NRG1: variants seen among roughly 807,000 people sequenced by gnomAD.
NRG1 encodes neuregulin 1, also known as pro-neuregulin-1, membrane-bound isoform.
A neutral mutation model predicts 63.8 loss-of-function variants in NRG1; 18 were observed. The ratio of observed to expected loss-of-function variants is 0.28; its 90% CI spans 0.19 to 0.42. The LOEUF (loss-of-function observed/expected upper bound fraction) is 0.42. NRG1 is among the 10% of genes least tolerant of loss of function. The probability of loss-of-function intolerance (pLI) is 1.00; values close to 1 mark genes in which losing one functional copy is unlikely to be tolerated. For synonymous variants in NRG1, 302 were observed against 301.3 expected (o/e 1.00, Z -0.02); for missense variants, 762 against 814.7 (o/e 0.94, Z 0.79).
rs931022162 is a variant in NRG1, at chr8:32,736,011, A to T, written c.633-6664A>T. On this transcript the variant is annotated intron_variant, in intron 6 of 11. Transcript: ENST00000356819. ...GGAAACTAGTCCCCAGATTGTCATT[A>T]AAAAAAAAATGGAGGATATATACTG... Among the ~76,000 whole-genome samples, 5 of 116,708 alleles carry T rather than the reference A, an allele frequency of 4.3e-5. No homozygotes were observed. In the East Asian group the frequency reaches 1.2e-3, roughly 27 times the overall value. 76.6% of individuals were successfully genotyped at this position (116,708 alleles called of 152,430 possible).
chr8:32,258,774 G>T (rs1356571331), intron 1 of NRG1, among the ~76,000 whole-genome samples: 2 of 152,188 alleles, frequency 1.3e-5, no homozygotes, highest in Non-Finnish European at 2.9e-5. Flanking sequence ...CACACATGGG[G>T]ATTATGGGGA....
At chr8:31,968,901 T>G (rs1319773918) in intron 1 of NRG1, among the ~76,000 whole-genome samples, 2 of 152,226 alleles carry the variant, frequency 1.3e-5, no homozygotes, top group African/African-American at 4.8e-5. Flanking sequence ...TAACTGTGCC[T>G]TTAACATCAC....
In NRG1 at chr8:32,113,699, A is replaced by G. The variant is rs114094455; in HGVS notation, c.37+474268A>G. Among the ~76,000 whole-genome samples the G allele has an allele frequency of 2.6e-3, 398 of 152,336 alleles. 2 individuals are homozygous for G. The highest frequency in any genetic ancestry group is 9.1e-3 in the African/African-American group (379 of 41,570). ...GCAGTGGTTTTAACTGTACATTGCA[A>G]TTCATTTGTGAGTAATACAATCAGT... On this transcript the variant is annotated intron_variant, in intron 1 of 10. Coordinates refer to the NRG1 transcript ENST00000519301.
chr8:32,621,939 A>G (rs917339181), intron 5 of NRG1, among the ~76,000 whole-genome samples: 33 of 152,256 alleles, frequency 2.2e-4, no homozygotes, highest in African/African-American at 7.2e-4. Context: ...GTGGATTGAA[A>G]GGTAGCCTTT....
chr8:32,313,167 A>T (rs1220677557), intron 1 of NRG1, among the ~76,000 whole-genome samples: 32 of 152,306 alleles, frequency 2.1e-4, no homozygotes, highest in Admixed American at 2.0e-3. Flanking sequence ...ATATATTCAC[A>T]TGATTTAGGA....
intron 1 of NRG1, among the ~76,000 whole-genome samples, chr8:31,661,499 A>G (rs532603111): frequency 6.6e-6 from 1 of 152,338 alleles, no homozygotes; most frequent in East Asian, 1.9e-4. Context: ...TTTTAGGGAA[A>G]TATGAGTTCT....
chr8:32,072,266 CCCA>C (rs1825862000), intron 1 of NRG1, among the ~76,000 whole-genome samples: 1 of 149,684 alleles, frequency 6.7e-6, no homozygotes, highest in Non-Finnish European at 1.5e-5. Context: ...AAATAAGAAA[CCCA>C]AAACCTTGTG....
At chr8:31,673,733 A>C (rs1288190566) in intron 1 of NRG1, among the ~76,000 whole-genome samples, 1 of 152,166 alleles carries the variant, frequency 6.6e-6, no homozygotes, top group African/African-American at 2.4e-5. Flanking sequence ...TAAGTGGCAC[A>C]TTACTCTATA....
intron 1 of NRG1, among the ~76,000 whole-genome samples, chr8:32,075,651 CTTTTTTTTTTTTTT>C (rs200354474): frequency 6.7e-6 from 1 of 150,296 alleles, no homozygotes; most frequent in African/African-American, 2.5e-5. Context: ...ATATTTTAAC[CTTTTTTTTTTTTTT>C]TTTTTTTTTT....
intron 1 of NRG1, among the ~76,000 whole-genome samples, chr8:32,375,346 T>C (rs1755869972): frequency 6.6e-6 from 1 of 152,158 alleles, no homozygotes; most frequent in African/African-American, 2.4e-5. Context: ...AAGAGATAAG[T>C]ATGCAGTTAT....
chr8:32,749,412 T>G (rs1828231458), intron 7 of NRG1: 1 of 824,700 alleles, frequency 1.2e-6, no homozygotes, highest in African/African-American at 1.7e-5. Context: ...GAGCACTGCT[T>G]CTTAACCACA....
At chr8:32,607,931 G>A (rs1265660632) in intron 3 of NRG1, among the ~76,000 whole-genome samples, 1 of 151,906 alleles carries the variant, frequency 6.6e-6, no homozygotes, top group Non-Finnish European at 1.5e-5. Flanking sequence ...AATGCAAGTT[G>A]GCCTTCTTTT....
intron 1 of NRG1, among the ~76,000 whole-genome samples, chr8:32,578,229 C>T (rs776702934): frequency 6.6e-6 from 1 of 152,182 alleles, no homozygotes. Flanking sequence ...TGCCTGACCT[C>T]GTGATCCACC....
At chr8:32,125,876 T>G (rs1281378591) in intron 1 of NRG1, among the ~76,000 whole-genome samples, 1 of 152,014 alleles carries the variant, frequency 6.6e-6, no homozygotes, top group Non-Finnish European at 1.5e-5. Context: ...AATATGATTT[T>G]GGGGCTCCAT....
At chr8:31,974,659 C>A (rs1284724635) in intron 1 of NRG1, among the ~76,000 whole-genome samples, 3 of 152,214 alleles carry the variant, frequency 2.0e-5, no homozygotes, top group African/African-American at 7.2e-5. Flanking sequence ...TTCCACTTCA[C>A]AGGCAAGAAC....
intron 6 of NRG1, among the ~76,000 whole-genome samples, chr8:32,730,123 T>C (rs1472605192): frequency 6.6e-6 from 1 of 152,122 alleles, no homozygotes; most frequent in Non-Finnish European, 1.5e-5. Context: ...AGTGAAATGA[T>C]AGGTAAAAGT....
intron 1 of NRG1, among the ~76,000 whole-genome samples, chr8:31,833,520 TTA>T (rs1261173733): frequency 1.3e-5 from 2 of 152,180 alleles, no homozygotes; most frequent in Non-Finnish European, 2.9e-5. Context: ...CTCCAGGGAA[TTA>T]TATCCTAAGT....
At chr8:32,190,730 C>T (rs1032318825) in intron 1 of NRG1, among the ~76,000 whole-genome samples, 1 of 152,126 alleles carries the variant, frequency 6.6e-6, no homozygotes, top group Non-Finnish European at 1.5e-5. Flanking sequence ...AGTAAGTCTA[C>T]CACATGAATG....
chr8:32,697,729 T>C (rs533930238), intron 5 of NRG1, among the ~76,000 whole-genome samples: 1 of 152,340 alleles, frequency 6.6e-6, no homozygotes, highest in African/African-American at 2.4e-5. Context: ...TCACTTCAAA[T>C]TGAACTGTCT....
Sources: gnomAD v4.1 joint callset for allele counts (sites outside exome capture counted in the v4.1 genomes callset) on GRCh38, gnomAD v4.1.1 for gene constraint, MANE v1.5 for transcripts, NCBI Gene and HGNC (gene_info 2026-07-23, HGNC 2026-07-21) for gene names.